The following KCNJ3 variants were observed in gnomAD, a reference collection of about 807,000 sequenced individuals.
KCNJ3 encodes G protein-activated inward rectifier potassium channel 1.
Under a neutral mutation model 39.2 loss-of-function variants are expected in KCNJ3, and 4 were observed. That is an observed-to-expected ratio of 0.10 (90% CI 0.05 to 0.23). The LOEUF (loss-of-function observed/expected upper bound fraction) is 0.23. KCNJ3 is among the 10% of genes least tolerant of loss of function. The pLI is 1.00. For synonymous variants in KCNJ3, 230 were observed against 237.4 expected (o/e 0.97, Z 0.29); for missense variants, 276 against 634.9 (o/e 0.43, Z 6.08).
intron 2 of KCNJ3, among the ~76,000 whole-genome samples, chr2:154,781,534 C>T (rs1280715050): frequency 2.0e-5 from 3 of 152,086 alleles, no homozygotes; most frequent in Non-Finnish European, 4.4e-5. Context: ...AAACAAAGTA[C>T]GGATGCAAGA....
chr2:154,741,321 A>G (rs1042063956), intron 2 of KCNJ3, among the ~76,000 whole-genome samples: 1 of 151,988 alleles, frequency 6.6e-6, no homozygotes, highest in African/African-American at 2.4e-5. Context: ...AGGATAAACT[A>G]TAAGCCCCCT....
chr2:154,805,857 CA>C (rs1686901715), intron 2 of KCNJ3, among the ~76,000 whole-genome samples: 1 of 151,998 alleles, frequency 6.6e-6, no homozygotes, highest in South Asian at 2.1e-4. Flanking sequence ...ACCAGAATTA[CA>C]TAAGACAGAT....
At chr2:154,742,745 A>T (rs927197567) in intron 2 of KCNJ3, among the ~76,000 whole-genome samples, 1 of 151,920 alleles carries the variant, frequency 6.6e-6, no homozygotes, top group African/African-American at 2.4e-5. Flanking sequence ...GTTGAGTTTT[A>T]GGAATTCTCT....
chr2:154,765,259 T>C (rs1686112903), intron 2 of KCNJ3, among the ~76,000 whole-genome samples: 2 of 152,330 alleles, frequency 1.3e-5, no homozygotes, highest in South Asian at 4.1e-4. Flanking sequence ...TACTTGCTTA[T>C]TAAGGAAGGC....
chr2:154,724,339 T>A (rs1326364192), intron 2 of KCNJ3, among the ~76,000 whole-genome samples: 1 of 152,116 alleles, frequency 6.6e-6, no homozygotes, highest in Admixed American at 6.5e-5. Context: ...ATTATTATTA[T>A]TATTTTATCT....
Position 154,856,075 on chromosome 2 carries a change from T to C in KCNJ3, c.*762T>C, listed in dbSNP as rs1471883999. 1 of 152,588 alleles carries C rather than the reference T, an allele frequency of 6.6e-6. No homozygotes were observed. Among genetic ancestry groups the C allele is most frequent in the East Asian group, 1.9e-4 (1 of 5,196 alleles). The allele number at this position is 152,588 out of a possible 1,614,324, so 9.5% of individuals were successfully genotyped here. A position where few individuals can be genotyped will look rare whatever the true frequency, so the allele number is the denominator to read the frequency against. ...CATTACATGTTTAAATTGTAAATTT[T>C]AGAGCATACCAGTACTCAGTATAGC... On this transcript the variant is annotated 3_prime_UTR_variant, in exon 3 of 3. Transcript: ENST00000295101.
At position 154,736,374 on chromosome 2, in the gene KCNJ3, T is replaced by TAAAAAAAAAAAAAAAA. The variant is rs70983745; in HGVS notation, c.919+26580_919+26595dup. Among the ~76,000 whole-genome samples the TAAAAAAAAAAAAAAAA allele has an allele frequency of 2.8e-4, 26 of 93,212 alleles. 2 individuals carry two copies. Among genetic ancestry groups the TAAAAAAAAAAAAAAAA allele is most frequent in the East Asian group, 8.3e-4 (2 of 2,400 alleles). 61.2% of individuals were successfully genotyped at this position (93,212 alleles called of 152,430 possible). A position where few individuals can be genotyped will look rare whatever the true frequency, so the allele number is the denominator to read the frequency against. On this transcript the variant is annotated intron_variant, in intron 2 of 2. Coordinates refer to ENST00000295101, the MANE Select transcript of KCNJ3 (RefSeq NM_002239.4). ...AGAGAGTGACAGGAGTCACTAGTTC[T>TAAAAAAAAAAAAAAAA]AAAAAAAAAAAAAAAAAAAAAAAAA...
chr2:154,767,593 A>T (rs1686158681), intron 2 of KCNJ3, among the ~76,000 whole-genome samples: 1 of 152,138 alleles, frequency 6.6e-6, no homozygotes. Context: ...TCACTGATGG[A>T]CATTTGGATT....
chr2:154,815,903 C>T (rs1297862066), intron 2 of KCNJ3, among the ~76,000 whole-genome samples: 4 of 152,134 alleles, frequency 2.6e-5, no homozygotes, highest in Admixed American at 6.6e-5. Context: ...CCTTTATTTA[C>T]GTACCTACTC....
At chr2:154,705,359 T>C (rs1165841544) in intron 1 of KCNJ3, among the ~76,000 whole-genome samples, 2 of 152,184 alleles carry the variant, frequency 1.3e-5, no homozygotes, top group African/African-American at 4.8e-5. Flanking sequence ...TATGTGTGTG[T>C]CTGTCTGTCT....
intron 2 of KCNJ3, among the ~76,000 whole-genome samples, chr2:154,712,696 G>A (rs997921817): frequency 3.3e-5 from 5 of 152,072 alleles, no homozygotes; most frequent in South Asian, 2.1e-4. Context: ...ATTGTGTTGC[G>A]GGGGGTGAGC....
intron 2 of KCNJ3, among the ~76,000 whole-genome samples, chr2:154,727,189 AT>A (rs1267816153): frequency 7.2e-5 from 11 of 152,208 alleles, no homozygotes; most frequent in Middle Eastern, 3.4e-3. Flanking sequence ...AAAAACTTCT[AT>A]TTTACTAGTT....
intron 2 of KCNJ3, among the ~76,000 whole-genome samples, chr2:154,793,704 C>T (rs549625306): frequency 5.9e-5 from 9 of 152,058 alleles, no homozygotes; most frequent in Admixed American, 5.9e-4. Flanking sequence ...AACACACATA[C>T]ACACATAAAC....
chr2:154,805,763 T>TA (rs570238350), intron 2 of KCNJ3, among the ~76,000 whole-genome samples: 170 of 152,260 alleles, frequency 1.1e-3, no homozygotes, highest in African/African-American at 3.8e-3. Flanking sequence ...TTAAAAAGAA[T>TA]AATGATGAGA....
At chr2:154,745,029 T>G (rs1685715891) in intron 2 of KCNJ3, among the ~76,000 whole-genome samples, 1 of 151,938 alleles carries the variant, frequency 6.6e-6, no homozygotes, top group Admixed American at 6.6e-5. Flanking sequence ...GTTTGGAAAT[T>G]TTTCTGTAAT....
At chr2:154,803,906 T>A (rs1686864722) in intron 2 of KCNJ3, among the ~76,000 whole-genome samples, 1 of 152,064 alleles carries the variant, frequency 6.6e-6, no homozygotes, top group South Asian at 2.1e-4. Flanking sequence ...GTATAATTTT[T>A]GAACTGAAGG....
intron 2 of KCNJ3, 55 bp from the exon 3 acceptor site, chr2:154,854,672 T>C: frequency 7.3e-7 from 1 of 1,370,616 alleles, no homozygotes; most frequent in African/African-American, 1.4e-5. Flanking sequence ...CCAAACCGGC[T>C]TTACATGTGC....
At chr2:154,776,083 C>A (rs1327354700) in intron 2 of KCNJ3, among the ~76,000 whole-genome samples, 2 of 151,112 alleles carry the variant, frequency 1.3e-5, no homozygotes, top group Non-Finnish European at 2.9e-5. Flanking sequence ...CTCACTGCAA[C>A]CCCCGCCTCC....
intron 2 of KCNJ3, among the ~76,000 whole-genome samples, chr2:154,841,914 G>C (rs1409920128): frequency 6.6e-6 from 1 of 151,798 alleles, no homozygotes; most frequent in Non-Finnish European, 1.5e-5. Context: ...TTTTTTGAAG[G>C]CTTTTTTATG....
Sources: allele counts gnomAD v4.1 joint callset (sites outside exome capture counted in the v4.1 genomes callset), GRCh38; gene constraint gnomAD v4.1.1; transcripts MANE v1.5; gene names NCBI Gene and HGNC (gene_info 2026-07-23, HGNC 2026-07-21).